The following MNX1 variants were observed in gnomAD, a reference collection of about 807,000 sequenced individuals.
MNX1 encodes motor neuron and pancreas homeobox protein 1.
MNX1 carries 2 observed loss-of-function variants against 17.3 expected under a neutral mutation model. The observed-to-expected ratio is 0.12, with a 90% CI of 0.05 to 0.36. The LOEUF is 0.36. MNX1 is among the 10% of genes least tolerant of loss of function. MNX1 has a pLI of 1.00. For missense variants in MNX1, 556 were observed against 564.7 expected (o/e 0.98, Z 0.16); for synonymous variants, 306 against 283.1 (o/e 1.08, Z -0.81).
At chr7:157,008,091 T>C (rs962355938) in intron 1 of MNX1, 1 of 152,248 alleles carries the variant, frequency 6.6e-6, no homozygotes, top group Non-Finnish European at 1.5e-5. Context: ...GTTTAAAATT[T>C]GGCCAACTCT....
chr7:157,009,555 C>G, intron 1 of MNX1, 105 bp downstream of exon 1: 5 of 1,515,180 alleles, frequency 3.3e-6, no homozygotes, highest in Non-Finnish European at 4.4e-6. Flanking sequence ...CGCAGCTCTT[C>G]CCCCGCTCGC....
At chr7:157,007,465 A>G (rs1049991845) in intron 1 of MNX1, 2 of 152,382 alleles carry the variant, frequency 1.3e-5, no homozygotes. Flanking sequence ...CCACCTTCCA[A>G]ATGTTTTCCT....
Position 157,005,543 on chromosome 7 carries a change from T to C in MNX1, c.1183A>G (p.Ser395Gly), listed in dbSNP as rs1018525514. 40 of 1,538,722 alleles carry C rather than the reference T, an allele frequency of 2.6e-5. No individual in the cohort carries two copies. The highest frequency in any genetic ancestry group is 3.3e-5 in the Non-Finnish European group (38 of 1,147,672). Residue 395 changes from serine (S) to glycine (G), a missense_variant, in exon 3 of 3, where the codon AGC becomes GGC. Around this residue, in one of 7 missense-constraint regions of MNX1, gnomAD observed 178 missense variants for 155.2 expected, o/e 1.15. Transcript: ENST00000252971. ...TCCTACTGGGGCGCGGGCTGGTGGC[T>C]GGGCCGCGGGGGCGGCGAGTCGTCC... Reference protein sequence around the residue: ...SEDDSPPPRPSHQPAPQ With the variant: ...SEDDSPPPRPGHQPAPQ
Position 157,005,609 on chromosome 7 carries a change from C to T in MNX1, c.1117G>A (p.Gly373Ser). 5 of 1,605,952 alleles carry T rather than the reference C, an allele frequency of 3.1e-6. No individual in the cohort carries two copies. Among genetic ancestry groups the T allele is most frequent in the Non-Finnish European group, 4.2e-6 (5 of 1,177,442 alleles). ...DDEDHFPYSN[G>S]ASVHAASSDC... ...GAGGAGGCGGCGTGGACGCTGGCGC[C>T]GTTGCTGTAGGGGAAATGGTCCTCG... The change falls in exon 3 of 3, where the codon GGC becomes AGC. Residue 373 changes from glycine to serine, a missense_variant. This residue lies in a region of MNX1 where 178 missense variants were observed against 155.2 expected (regional missense o/e 1.15). Transcript: ENST00000252971.
At position 157,006,643 on chromosome 7, in the gene MNX1, G is replaced by T; in HGVS notation, c.692-4C>A. On this transcript the variant is annotated splice_polypyrimidine_tract_variant and splice_region_variant and intron_variant, in intron 1 of 2. Transcript: ENST00000252971. The surrounding 1 kb of genome is among the most constrained non-coding windows in gnomAD (Gnocchi z 6.3). ...AGGAGGTTCGACTGCGCCTGGGCTG[G>T]GGACCAAAGGGCAGTGAGGCCCACA... The T allele has an allele frequency of 6.3e-7, 1 of 1,583,256 alleles. No individual in the cohort carries two copies.
intron 1 of MNX1, chr7:157,007,674 A>G (rs1038516968): frequency 6.6e-6 from 1 of 152,260 alleles, no homozygotes; most frequent in Non-Finnish European, 1.5e-5. Flanking sequence ...TATGACCTCA[A>G]AACGAGACTT....
In MNX1 at chr7:157,006,514, C is replaced by G; in HGVS notation, c.817G>C (p.Glu273Gln). 6.2e-7 allele frequency: 1 copy of G among 1,611,124 alleles called. No homozygotes were observed. ...GTGAGCATGAGCGAGGTGGCCACCT[C>G]GAAGCGCTTGGGCCGCGACAGGTAC... ...NKYLSRPKRF[E>Q]VATSLMLTET... is the part of the protein sequence containing the mutation. The change falls in exon 2 of 3, where the codon GAG (glutamate) becomes CAG (glutamine). Residue 273 changes from glutamate (E) to glutamine (Q), a missense_variant. Glu to Gln is a conservative substitution (Grantham distance 29). Coordinates refer to ENST00000252971, the MANE Select transcript of MNX1 (RefSeq NM_005515.4). This position sits in a 1 kb window ranked among gnomAD's most constrained non-coding sequence, Gnocchi z 6.3.
chr7:157,010,303 G>T lies in MNX1; in HGVS notation c.48C>A (p.Asp16Glu). 2 of 1,577,076 alleles carry T rather than the reference G, an allele frequency of 1.3e-6. No homozygotes were observed. Among genetic ancestry groups the T allele is most frequent in the Non-Finnish European group, 1.7e-6 (2 of 1,163,006 alleles). The change falls in exon 1 of 3, where the codon GAC becomes GAA. Residue 16 changes from aspartate (D) to glutamate (E), a missense_variant. This residue lies in a region of MNX1 where 45 missense variants were observed against 42.0 expected (regional missense o/e 1.07). Coordinates refer to ENST00000252971, the MANE Select transcript of MNX1 (RefSeq NM_005515.4). ...NFRIDALLAV[D>E]PPRAASAQSA... ...TCTGCGCAGAGGCGGCTCGTGGGGG[G>T]TCCACCGCCAGCAGGGCGTCGATGC...
In MNX1 at chr7:157,005,389, G is replaced by T. The variant is rs1480573696; in HGVS notation, c.*131C>A. The stretch of plus-strand genomic sequence containing the variant: ...GAATCCCTCCAGCCCCGGCCTGGGC[G>T]AGGGGTCCATGGGGCGGCGGTCGAG... On this transcript the variant is annotated 3_prime_UTR_variant, in exon 3 of 3. Coordinates refer to ENST00000252971, the MANE Select transcript of MNX1 (RefSeq NM_005515.4). The T allele has an allele frequency of 3.6e-6, 2 of 548,010 alleles. No homozygotes were observed. Among genetic ancestry groups the T allele is most frequent in the Non-Finnish European group, 5.2e-6 (2 of 387,294 alleles). The allele number at this position is 548,010 out of a possible 1,614,324, so 33.9% of individuals were successfully genotyped here. A position where few individuals can be genotyped will look rare whatever the true frequency, so the allele number is the denominator to read the frequency against.
intron 1 of MNX1, chr7:157,008,524 T>G (rs1586593726): frequency 1.3e-5 from 2 of 155,310 alleles, no homozygotes; most frequent in African/African-American, 4.8e-5. Context: ...GGGATTCTTC[T>G]CACCCTCTTG....
At position 157,005,528 on chromosome 7, in the gene MNX1, G is replaced by T; in HGVS notation, c.1198C>A (p.Pro400Thr). ...GCTGGGCCGCGGGGCTCCTACTGGG[G>T]CGCGGGCTGGTGGCTGGGCCGCGGG... ...PPPRPSHQPA[P>T]Q Residue 400 changes from proline to threonine, a missense_variant, in exon 3 of 3, where the codon CCC (proline) becomes ACC (threonine). Physicochemically the swap from Pro to Thr is conservative, Grantham distance 38 (BLOSUM62 -1). Transcript: ENST00000252971. 1 of 1,511,892 alleles carries T rather than the reference G, an allele frequency of 6.6e-7. No individual in the cohort carries two copies. The allele number at this position is 1,511,892 out of a possible 1,614,324, so 93.7% of individuals were successfully genotyped here. A position where few individuals can be genotyped will look rare whatever the true frequency, so the allele number is the denominator to read the frequency against.
At position 157,010,423 on chromosome 7, in the gene MNX1, G is replaced by A; in HGVS notation, c.-73C>T. 1 of 1,242,456 alleles carries A rather than the reference G, an allele frequency of 8.0e-7. No individual in the cohort carries two copies. Among genetic ancestry groups the A allele is most frequent in the Non-Finnish European group, 1.1e-6 (1 of 891,278 alleles). 77.0% of individuals were successfully genotyped at this position (1,242,456 alleles called of 1,614,324 possible). A position where few individuals can be genotyped will look rare whatever the true frequency, so the allele number is the denominator to read the frequency against. ...CCGTGTGCGGGCTCGCGGAGTCAGT[G>A]CGTGCGGTGCAAGCCCGGGGGCTCG... On this transcript the variant is annotated 5_prime_UTR_variant, in exon 1 of 3. Coordinates refer to ENST00000252971, the MANE Select transcript of MNX1 (RefSeq NM_005515.4).
rs779272903 is a variant in MNX1, at chr7:157,010,308, C to T, written c.43G>A (p.Val15Met). ...KNFRIDALLA[V>M]DPPRAASAQS... ...GCAGAGGCGGCTCGTGGGGGGTCCACCGCCAGCAGGGCGTCGATGCGGAAA... is the reference window on the plus strand; with the variant it reads ...GCAGAGGCGGCTCGTGGGGGGTCCATCGCCAGCAGGGCGTCGATGCGGAAA... The change falls in exon 1 of 3, where the codon GTG (valine) becomes ATG (methionine). Residue 15 changes from valine to methionine, a missense_variant. Physicochemically the swap from Val to Met is conservative, Grantham distance 21. Coordinates refer to ENST00000252971, the MANE Select transcript of MNX1 (RefSeq NM_005515.4). 3.8e-6 allele frequency: 6 copies of T among 1,579,296 alleles called. No individual in the cohort carries two copies. The highest frequency in any genetic ancestry group is 5.2e-6 in the Non-Finnish European group (6 of 1,163,962).
At position 157,006,277 on chromosome 7, in the gene MNX1, G is replaced by C. The variant is rs1375339963; in HGVS notation, c.852+202C>G. Reference sequence around the variant, plus strand: ...GATCACCTTCTTCAGAATGAAAGGAGGGGTGGTTAAGTGCTGATTCTTGGG... The same window carrying C: ...GATCACCTTCTTCAGAATGAAAGGACGGGTGGTTAAGTGCTGATTCTTGGG... On this transcript the variant is annotated intron_variant, in intron 2 of 2. Coordinates refer to ENST00000252971, the MANE Select transcript of MNX1 (RefSeq NM_005515.4). The surrounding 1 kb of genome is among the most constrained non-coding windows in gnomAD (Gnocchi z 6.3). 7 of 605,428 alleles carry C rather than the reference G, an allele frequency of 1.2e-5. No individual in the cohort carries two copies. The highest frequency in any genetic ancestry group is 1.7e-5 in the Non-Finnish European group (6 of 344,928). The allele number at this position is 605,428 out of a possible 1,614,324, so 37.5% of individuals were successfully genotyped here.
chr7:157,009,500 G>A (rs1431541794), intron 1 of MNX1, 160 bp downstream of exon 1: 20 of 1,439,368 alleles, frequency 1.4e-5, no homozygotes, highest in Admixed American at 2.8e-5. Flanking sequence ...ATGCCTGGGG[G>A]TCCGGGCGAG....
chr7:157,005,553 G>T lies in MNX1; in HGVS notation c.1173C>A (p.Pro391=). 6.4e-7 allele frequency: 1 copy of T among 1,551,662 alleles called. No individual in the cohort carries two copies. Residue 391 remains proline, a synonymous_variant, in exon 3 of 3, where the codon CCC becomes CCA. Coordinates refer to ENST00000252971, the MANE Select transcript of MNX1 (RefSeq NM_005515.4). ...SDCSSEDDSP[P]PRPSHQPAPQ is the part of the protein sequence containing the mutation. ...GCGCGGGCTGGTGGCTGGGCCGCGG[G>T]GGCGGCGAGTCGTCCTCCGAGGAGC...
chr7:157,009,472 T>C, intron 1 of MNX1, 188 bp downstream of exon 1: 4 of 1,434,184 alleles, frequency 2.8e-6, no homozygotes, highest in Non-Finnish European at 3.6e-6. Context: ...GCCATTTTAA[T>C]AATTCGCTGC....
intron 2 of MNX1, 123 bp from the exon 3 acceptor site, chr7:157,005,996 G>A: frequency 9.1e-7 from 1 of 1,093,958 alleles, no homozygotes; most frequent in Non-Finnish European, 1.3e-6. Flanking sequence ...CTCAGGGTGA[G>A]ACGACTTAGA....
At chr7:157,007,419 C>G (rs886528551) in intron 1 of MNX1, 4 of 152,510 alleles carry the variant, frequency 2.6e-5, no homozygotes, top group African/African-American at 9.7e-5. Context: ...AGGACCAAAC[C>G]CAGGGTCCAA....
Sources: gnomAD v4.1 joint callset for allele counts on GRCh38, gnomAD v4.1.1 for gene constraint, gnomAD v4.1.1 regional missense constraint, Gnocchi (gnomAD v3.1) non-coding constraint, MANE v1.5 for transcripts, NCBI Gene and HGNC (gene_info 2026-07-23, HGNC 2026-07-21) for gene names.